The following ANXA1 variants were observed in gnomAD, a reference collection of about 807,000 sequenced individuals.
The protein encoded by ANXA1 is annexin A1, also known as annexin I (lipocortin I).
ANXA1 carries 39 observed loss-of-function variants against 47.9 expected under a neutral mutation model. The observed-to-expected ratio is 0.81, with a 90% CI of 0.63 to 1.06. The LOEUF (loss-of-function observed/expected upper bound fraction) is 1.06. ANXA1 is among the 50% of genes least tolerant of loss of function. The pLI is 0.00. For synonymous variants in ANXA1, 146 were observed against 142.5 expected, an observed-to-expected ratio of 1.02 and a Z score of -0.17; for missense variants, 446 against 422.7, an observed-to-expected ratio of 1.06 and a Z score of -0.48.
rs774051268 is a variant in ANXA1, at chr9:73,160,340, G to T, written c.348G>T (p.Ala116=). 5.0e-6 allele frequency: 8 copies of T among 1,585,128 alleles called. No individual in the cohort carries two copies. The highest frequency in any genetic ancestry group is 1.2e-5 in the South Asian group (1 of 85,956). The stretch of plus-strand genomic sequence containing the variant: ...TTTTAGCTCTGCTAAAAACTCCAGC[G>T]CAATTTGATGCTGATGAACTTCGTG... ...EVVLALLKTP[A]QFDADELRAA... The change falls in exon 5 of 13, where the codon GCG becomes GCT. Residue 116 remains alanine, a synonymous_variant. Transcript: ENST00000257497.
intron 1 of ANXA1, among the ~76,000 whole-genome samples, chr9:73,152,431 C>T (rs1823986858): frequency 6.6e-6 from 1 of 152,160 alleles, no homozygotes; most frequent in Admixed American, 6.5e-5. Flanking sequence ...AAGATAGATT[C>T]AGACCTCAAA....
chr9:73,153,450 G>A (rs543640869), intron 1 of ANXA1, among the ~76,000 whole-genome samples: 1 of 152,142 alleles, frequency 6.6e-6, no homozygotes, highest in Admixed American at 6.6e-5. Context: ...TTTATATAAT[G>A]CCTTCCTTCA....
intron 5 of ANXA1, 60 bp from the exon 6 acceptor site, chr9:73,160,743 T>G (rs1824128093): frequency 7.5e-7 from 1 of 1,325,758 alleles, no homozygotes; most frequent in Non-Finnish European, 1.1e-6. Flanking sequence ...CAAAAACTCA[T>G]TGATCCTCTT....
rs76459132 is a variant in ANXA1 at position 73,159,367 on chromosome 9, C to T, written c.214C>T (p.Arg72Ter). ...EATIIDILTK[R>*]NNAQRQQIKA... ...AACCATCATTGACATTCTAACTAAG[C>T]GAAACAATGCACAGCGTCAACAGAT... Residue 72 changes from arginine to a stop codon, truncating the protein, a stop_gained, in exon 4 of 13, where the codon CGA becomes TGA. Transcript: ENST00000257497. LOFTEE classifies it high-confidence loss of function. 1.9e-4 allele frequency: 308 copies of T among 1,613,088 alleles called. 1 individual carries two copies. In the East Asian group the frequency reaches 2.5e-3, roughly 13 times the overall value.
chr9:73,165,000 T>C, intron 8 of ANXA1, 116 bp from the exon 9 acceptor site: 1 of 719,002 alleles, frequency 1.4e-6, no homozygotes, highest in Non-Finnish European at 2.3e-6. Flanking sequence ...TGTTGACTAC[T>C]CTGATTGTAT....
At chr9:73,167,014 G>T (rs947958862) in intron 10 of ANXA1, among the ~76,000 whole-genome samples, 1 of 152,116 alleles carries the variant, frequency 6.6e-6, no homozygotes, top group Non-Finnish European at 1.5e-5. Flanking sequence ...GTGCACGTTT[G>T]TTCCATGGGT....
Position 73,158,788 on chromosome 9 carries a change from G to T in ANXA1, c.160G>T (p.Ala54Ser). 6 of 1,613,650 alleles carry T rather than the reference G, an allele frequency of 3.7e-6. No homozygotes were observed. Among genetic ancestry groups the T allele is most frequent in the Non-Finnish European group, 5.1e-6 (6 of 1,179,692 alleles). ...CTCGGATGTCGCTGCCTTGCATAAG[G>T]CCATAATGGTTAAAGGTAACGTGTT... ...PSSDVAALHK[A>S]IMVKGVDEAT... The change falls in exon 3 of 13, where the codon GCC becomes TCC. Residue 54 changes from alanine (A) to serine (S), a missense_variant. Coordinates refer to ENST00000257497, the MANE Select transcript of ANXA1 (RefSeq NM_000700.3).
chr9:73,160,214 C>T (rs1824114159), intron 4 of ANXA1, 49 bp from the exon 5 acceptor site: 5 of 1,339,538 alleles, frequency 3.7e-6, no homozygotes, highest in African/African-American at 1.5e-5. Context: ...ATTTTTTAAC[C>T]TAGCATGTTA....
At chr9:73,165,340 C>T (rs1824209882) in intron 9 of ANXA1, 131 bp downstream of exon 9, 1 of 618,390 alleles carries the variant, frequency 1.6e-6, no homozygotes, top group African/African-American at 1.9e-5. Context: ...TACAGTGTTC[C>T]TGACCCATTG....
At position 73,156,558 on chromosome 9, in the gene ANXA1, G is replaced by A. The variant is rs188383419; in HGVS notation, c.-14-1964G>A. On this transcript the variant is annotated intron_variant, in intron 1 of 12. Coordinates refer to ENST00000257497, the MANE Select transcript of ANXA1 (RefSeq NM_000700.3). ...CTCACAGATGACAGAATAGTAATAA[G>A]AGCAATCCCATGCGAATTAAGTGGG... 2.1e-4 allele frequency among the ~76,000 whole-genome samples: 32 copies of A among 152,300 alleles called. No individual in the cohort carries two copies. In the East Asian group the frequency reaches 5.4e-3, roughly 26 times the overall value.
chr9:73,167,776 G>A, intron 11 of ANXA1: 1 of 475,026 alleles, frequency 2.1e-6, no homozygotes, highest in Non-Finnish European at 3.7e-6. Flanking sequence ...GAGCCTGTAA[G>A]TGATTTACGG....
In ANXA1 at chr9:73,166,206, C is replaced by A; in HGVS notation, c.802+14C>A. 6.3e-7 allele frequency: 1 copy of A among 1,577,418 alleles called. No individual in the cohort carries two copies. The highest frequency in any genetic ancestry group is 1.4e-5 in the African/African-American group (1 of 73,750). ...TCACAGCTATCGGTATGTAGTCCAG[C>A]AGTTGAAAGAGTTTTCTAACTAGAA... On this transcript the variant is annotated intron_variant, in intron 10 of 12. Transcript: ENST00000257497.
intron 1 of ANXA1, chr9:73,157,653 C>CAAAAAAAA (rs373035373): frequency 2.3e-5 from 1 of 42,620 alleles, no homozygotes; most frequent in African/African-American, 7.5e-5. Flanking sequence ...GACTCCATCT[C>CAAAAAAAA]AAAAAAAAAA....
rs774163524 is a variant in ANXA1, at chr9:73,170,073, A to C, written c.1007A>C (p.Glu336Ala). The change falls in exon 13 of 13, where the codon GAG (glutamate) becomes GCG (alanine). Residue 336 changes from glutamate (E) to alanine (A), a missense_variant. Physicochemically the swap from Glu to Ala is moderately radical, Grantham distance 107 (BLOSUM62 -1). Coordinates refer to ENST00000257497, the MANE Select transcript of ANXA1 (RefSeq NM_000700.3). ...CAGGATGAAACCAAAGGAGATTATG[A>C]GAAAATCCTGGTGGCTCTTTGTGGA... ...AILDETKGDY[E>A]KILVALCGGN The C allele has an allele frequency of 3.7e-6, 6 of 1,608,700 alleles. No homozygotes were observed. In the East Asian group the frequency reaches 1.3e-4, roughly 36 times the overall value.
rs1232178104 is a variant in ANXA1, at chr9:73,167,573, T to C, written c.861+18T>C. On this transcript the variant is annotated intron_variant, in intron 11 of 12. Coordinates refer to ENST00000257497, the MANE Select transcript of ANXA1 (RefSeq NM_000700.3). ...CCATGAAAGTATGTACCATTCTACT[T>C]ATATGTCCTGCTTAGAGGAAGAATT... 5 of 1,606,856 alleles carry C rather than the reference T, an allele frequency of 3.1e-6. No individual in the cohort carries two copies. The highest frequency in any genetic ancestry group is 4.5e-5 in the East Asian group (2 of 44,818).
chr9:73,154,439 T>C, intron 1 of ANXA1: 1 of 1,076,460 alleles, frequency 9.3e-7, no homozygotes, highest in Non-Finnish European at 1.3e-6. Flanking sequence ...TTCTTTTCTT[T>C]TTCTTTCTTT....
intron 1 of ANXA1, among the ~76,000 whole-genome samples, chr9:73,156,660 G>A (rs1375550148): frequency 6.6e-6 from 1 of 152,158 alleles, no homozygotes; most frequent in Non-Finnish European, 1.5e-5. Flanking sequence ...TTTTTAGCAG[G>A]TGAAAATGGA....
At chr9:73,168,819 T>G (rs1745255106) in intron 11 of ANXA1, 1 of 393,146 alleles carries the variant, frequency 2.5e-6, no homozygotes, top group Non-Finnish European at 4.5e-6. Flanking sequence ...TTGTGACAGC[T>G]CTCTATACCT....
At chr9:73,159,279 T>C (rs1352223908) in intron 3 of ANXA1, 50 bp from the exon 4 acceptor site, 19 of 1,387,756 alleles carry the variant, frequency 1.4e-5, no homozygotes, top group African/African-American at 5.7e-5. Context: ...TTTATGTCAA[T>C]TGATGATGAA....
Sources: allele counts gnomAD v4.1 joint callset (sites outside exome capture counted in the v4.1 genomes callset), GRCh38; gene constraint gnomAD v4.1.1; transcripts MANE v1.5; gene names NCBI Gene and HGNC (gene_info 2026-07-23, HGNC 2026-07-21).